The following CWF19L2 variants were observed in gnomAD, a reference collection of about 807,000 sequenced individuals.
CWF19L2 encodes CWF19-like protein 2.
Under a neutral mutation model 111.7 loss-of-function variants are expected in CWF19L2, and 98 were observed. That is an observed-to-expected ratio of 0.88 (90% CI 0.75 to 1.04). CWF19L2 has a LOEUF of 1.04. Among genes scored for constraint, CWF19L2 ranks in the 50% least tolerant of loss-of-function variants. CWF19L2 has a pLI of 0.00. For synonymous variants in CWF19L2, 351 were observed against 342.9 expected, an observed-to-expected ratio of 1.02 and a Z score of -0.26; for missense variants, 1,101 against 1,051.4, an observed-to-expected ratio of 1.05 and a Z score of -0.65.
intron 13 of CWF19L2, among the ~76,000 whole-genome samples, chr11:107,350,265 T>C (rs1240910552): frequency 6.6e-6 from 1 of 152,076 alleles, no homozygotes; most frequent in Non-Finnish European, 1.5e-5. Context: ...GAATCAACAA[T>C]GTGCAGGGAC....
chr11:107,433,159 A>C (rs758643076), intron 7 of CWF19L2, among the ~76,000 whole-genome samples: 3 of 152,186 alleles, frequency 2.0e-5, no homozygotes, highest in Non-Finnish European at 4.4e-5. Context: ...AAAGAATATC[A>C]GTAATTACTG....
chr11:107,437,778 A>G (rs1861563572), intron 6 of CWF19L2, among the ~76,000 whole-genome samples: 1 of 152,222 alleles, frequency 6.6e-6, no homozygotes, highest in African/African-American at 2.4e-5. Flanking sequence ...GGCAAGATCC[A>G]AAGATTGGGT....
intron 10 of CWF19L2, among the ~76,000 whole-genome samples, chr11:107,415,245 A>G (rs1217530930): frequency 6.6e-6 from 1 of 151,886 alleles, no homozygotes; most frequent in Non-Finnish European, 1.5e-5. Context: ...TGCGCTCTTC[A>G]CTCAAATACA....
chr11:107,428,702 A>G, intron 8 of CWF19L2, 97 bp downstream of exon 8: 1 of 951,236 alleles, frequency 1.1e-6, no homozygotes. Flanking sequence ...GAAATGTGAG[A>G]TCATAGTCAC....
chr11:107,422,324 G>A (rs1861313650), intron 8 of CWF19L2, among the ~76,000 whole-genome samples: 1 of 151,980 alleles, frequency 6.6e-6, no homozygotes, highest in African/African-American at 2.4e-5. Context: ...TTGAGTATGT[G>A]CGACTTTGGA....
chr11:107,405,839 C>CAAAA (rs1555023830), intron 10 of CWF19L2, among the ~76,000 whole-genome samples: 1 of 81,294 alleles, frequency 1.2e-5, no homozygotes. Flanking sequence ...TGAAGCAAGC[C>CAAAA]AAAAAAAAAA....
intron 12 of CWF19L2, among the ~76,000 whole-genome samples, chr11:107,380,070 A>AAG: frequency 6.7e-6 from 1 of 150,300 alleles, no homozygotes; most frequent in African/African-American, 2.4e-5. Context: ...AAAAAAAAAA[A>AAG]AATCAGATAC....
intron 10 of CWF19L2, among the ~76,000 whole-genome samples, chr11:107,410,813 A>T (rs949320427): frequency 6.6e-6 from 1 of 152,144 alleles, no homozygotes; most frequent in African/African-American, 2.4e-5. Flanking sequence ...ATTTCAAGCA[A>T]GGTTTCTCTA....
chr11:107,445,391 G>T (rs528372709), intron 3 of CWF19L2, among the ~76,000 whole-genome samples: 1 of 152,178 alleles, frequency 6.6e-6, no homozygotes. Flanking sequence ...GGATCATGAG[G>T]TCAGGAGTTC....
chr11:107,451,564 A>G (rs776652591), intron 3 of CWF19L2, among the ~76,000 whole-genome samples: 9 of 152,164 alleles, frequency 5.9e-5, no homozygotes, highest in Non-Finnish European at 1.2e-4. Context: ...CAGAGGAAAC[A>G]AACAGAAAAT....
At chr11:107,455,894 T>G (rs583011) in intron 1 of CWF19L2, 118 bp from the exon 2 acceptor site, 9,772 of 574,832 alleles carry the variant, frequency 0.017, 135 homozygotes, top group Middle Eastern at 0.04. Context: ...TGAATGAATG[T>G]CTATTCCTTG....
chr11:107,402,153 CT>C (rs1239043570), intron 10 of CWF19L2, among the ~76,000 whole-genome samples: 1 of 152,060 alleles, frequency 6.6e-6, no homozygotes, highest in Non-Finnish European at 1.5e-5. Context: ...TGGAAAAACC[CT>C]TCTAGACATT....
Position 107,442,951 on chromosome 11 carries a change from G to T in CWF19L2, c.438C>A (p.Thr146=). The part of the protein sequence containing the change: ...VKDEKSGKDD[T]QIIKRDEWMT... ...GTGGCTTGCTTACCTTGATAATTTGGGTGTCATCTTTTCCTGACTTTTCAT... is the reference window on the plus strand; with the variant it reads ...GTGGCTTGCTTACCTTGATAATTTGTGTGTCATCTTTTCCTGACTTTTCAT... Residue 146 remains threonine, a synonymous_variant, in exon 4 of 18, where the codon ACC becomes ACA. Transcript: ENST00000282251. 1 of 1,546,144 alleles carries T rather than the reference G, an allele frequency of 6.5e-7. No homozygotes were observed. Among genetic ancestry groups the T allele is most frequent in the Non-Finnish European group, 8.8e-7 (1 of 1,141,956 alleles).
At position 107,430,116 on chromosome 11, in the gene CWF19L2, G is replaced by A. The variant is rs1394124965; in HGVS notation, c.781-665C>T. On this transcript the variant is annotated intron_variant, in intron 7 of 17. Coordinates refer to ENST00000282251, the MANE Select transcript of CWF19L2 (RefSeq NM_152434.3). The stretch of plus-strand genomic sequence containing the variant: ...AATATATAAGAAAATTTCCCCAGCC[G>A]ATTTCTCAGAAGGACTCATCCAATA... Among the ~76,000 whole-genome samples the A allele has an allele frequency of 6.6e-5, 10 of 151,234 alleles. No homozygotes were observed. In the East Asian group the frequency reaches 1.7e-3, roughly 26 times the overall value.
At chr11:107,370,281 C>T (rs1427363007) in intron 12 of CWF19L2, among the ~76,000 whole-genome samples, 1 of 137,004 alleles carries the variant, frequency 7.3e-6, no homozygotes, top group East Asian at 2.1e-4. Flanking sequence ...ATAAATCATG[C>T]TAACTAACCA....
chr11:107,392,704 T>C (rs1591180387), intron 11 of CWF19L2, 75 bp downstream of exon 11: 22 of 817,448 alleles, frequency 2.7e-5, no homozygotes, highest in Non-Finnish European at 4.2e-5. Context: ...AAATATTTTA[T>C]AATCTGATAC....
chr11:107,389,610 T>C (rs1226669056), intron 12 of CWF19L2, among the ~76,000 whole-genome samples: 3 of 152,192 alleles, frequency 2.0e-5, no homozygotes, highest in Non-Finnish European at 4.4e-5. Flanking sequence ...AAATAATATA[T>C]ATTTTCATAT....
chr11:107,326,987 C>G lies in CWF19L2; in HGVS notation c.2608G>C (p.Glu870Gln). 1.2e-6 allele frequency: 2 copies of G among 1,612,156 alleles called. No individual in the cohort carries two copies. The highest frequency in any genetic ancestry group is 1.7e-6 in the Non-Finnish European group (2 of 1,178,960). The change falls in exon 18 of 18, where the codon GAG (glutamate) becomes CAG (glutamine). Residue 870 changes from glutamate (E) to glutamine (Q), a missense_variant. Transcript: ENST00000282251. ...TGCAGTGCTTTTTTCCTCTGATCCT[C>G]AAAGCTTTCTCGGATGCCTTTCCTC... ...LWRKGIRESF[E>Q]DQRKKALQFA... is the part of the protein sequence containing the mutation.
chr11:107,335,377 G>A (rs1408179594), intron 15 of CWF19L2, among the ~76,000 whole-genome samples: 2 of 151,962 alleles, frequency 1.3e-5, no homozygotes, highest in Non-Finnish European at 2.9e-5. Flanking sequence ...TAGCAACCAA[G>A]GTCTTGAACT....
Sources: allele counts gnomAD v4.1 joint callset (sites outside exome capture counted in the v4.1 genomes callset), GRCh38; gene constraint gnomAD v4.1.1; transcripts MANE v1.5; gene names NCBI Gene and HGNC (gene_info 2026-07-23, HGNC 2026-07-21).